Variants in MVB12B observed in about 807,000 individuals in gnomAD.
MVB12B encodes the protein ESCRT-I complex subunit MVB12B.
MVB12B carries 16 observed loss-of-function variants against 41.6 expected under a neutral mutation model. The observed-to-expected ratio is 0.38, with a 90% CI of 0.26 to 0.58. The LOEUF (loss-of-function observed/expected upper bound fraction) is 0.58, where lower values mean the gene tolerates loss of function less well. Ranked by LOEUF, MVB12B falls within the 20% of genes least tolerant of loss-of-function variation. MVB12B has a pLI of 0.62. For missense variants in MVB12B, 274 were observed against 380.2 expected (o/e 0.72, Z 2.32); for synonymous variants, 133 against 139.7 (o/e 0.95, Z 0.34).
At chr9:126,476,746 G>A (rs964985808) in intron 7 of MVB12B, among the ~76,000 whole-genome samples, 1 of 151,432 alleles carries the variant, frequency 6.6e-6, no homozygotes, top group Non-Finnish European at 1.5e-5. Flanking sequence ...GCATGGTGGC[G>A]GGTGCCTGTA....
At chr9:126,425,544 G>A (rs4837082) in intron 7 of MVB12B, among the ~76,000 whole-genome samples, 20,509 of 152,206 alleles carry the variant, frequency 0.13, 1,769 homozygotes, top group East Asian at 0.4. Flanking sequence ...CTATGCTTTC[G>A]AAGTTTACTG....
chr9:126,356,225 CTA>C (rs1829877034), intron 2 of MVB12B, among the ~76,000 whole-genome samples: 1 of 152,118 alleles, frequency 6.6e-6, no homozygotes. Context: ...GCACAAAATA[CTA>C]TGTTTTGATC....
At position 126,481,513 on chromosome 9, in the gene MVB12B, C is replaced by T. The variant is rs558739231; in HGVS notation, c.813+89C>T. 3 of 960,350 alleles carry T rather than the reference C, an allele frequency of 3.1e-6. No homozygotes were observed. In the African/African-American group the frequency reaches 4.8e-5, roughly 15 times the overall value. 59.5% of individuals were successfully genotyped at this position (960,350 alleles called of 1,614,324 possible). On this transcript the variant is annotated intron_variant, in intron 8 of 9. Transcript: ENST00000361171. ...GATTTACACAGCACGCAGGGCTGTT[C>T]TGGCAGTACTCACGCCCCTTCCCCT...
intron 2 of MVB12B, among the ~76,000 whole-genome samples, chr9:126,354,063 A>G (rs1829819617): frequency 6.6e-6 from 1 of 152,190 alleles, no homozygotes; most frequent in Non-Finnish European, 1.5e-5. Flanking sequence ...CATTTTGCGA[A>G]TGTGCAGTTC....
At chr9:126,501,487 A>G (rs1833955436) in intron 9 of MVB12B, among the ~76,000 whole-genome samples, 1 of 152,148 alleles carries the variant, frequency 6.6e-6, no homozygotes, top group East Asian at 1.9e-4. Context: ...CACCGTGCAC[A>G]CGGGGACAGA....
intron 1 of MVB12B, among the ~76,000 whole-genome samples, chr9:126,336,665 C>T (rs527829831): frequency 1.3e-5 from 2 of 152,220 alleles, no homozygotes; most frequent in South Asian, 4.1e-4. Flanking sequence ...GGAAAAAATC[C>T]TTCTAGCTTG....
intron 4 of MVB12B, among the ~76,000 whole-genome samples, chr9:126,390,687 G>T (rs967590259): frequency 2.6e-5 from 4 of 152,158 alleles, no homozygotes; most frequent in African/African-American, 9.7e-5. Flanking sequence ...GAGGCCAGGC[G>T]CGGTGGCTCA....
At chr9:126,390,635 AT>A (rs995943837) in intron 4 of MVB12B, among the ~76,000 whole-genome samples, 2 of 152,204 alleles carry the variant, frequency 1.3e-5, no homozygotes, top group Non-Finnish European at 2.9e-5. Flanking sequence ...AAGGAAAGTT[AT>A]TTTTTACATA....
intron 6 of MVB12B, among the ~76,000 whole-genome samples, chr9:126,414,256 A>T (rs1831740925): frequency 6.6e-6 from 1 of 152,194 alleles, no homozygotes; most frequent in Non-Finnish European, 1.5e-5. Flanking sequence ...GGAAAAAATG[A>T]AATTCCCCTC....
chr9:126,383,422 C>T (rs1830687818), intron 3 of MVB12B, among the ~76,000 whole-genome samples: 1 of 152,148 alleles, frequency 6.6e-6, no homozygotes, highest in Non-Finnish European at 1.5e-5. Flanking sequence ...GTACTTTCTG[C>T]ATTACCTGTA....
Position 126,409,299 on chromosome 9 carries a change from C to CTGTGTGTG in MVB12B, c.663-12515_663-12508dup, listed in dbSNP as rs61211126. 8.5e-3 allele frequency among the ~76,000 whole-genome samples: 1,175 copies of CTGTGTGTG among 138,108 alleles called. 27 individuals are homozygous for CTGTGTGTG. The highest frequency in any genetic ancestry group is 0.023 in the East Asian group (107 of 4,680). 90.6% of individuals were successfully genotyped at this position (138,108 alleles called of 152,430 possible). On this transcript the variant is annotated intron_variant, in intron 6 of 9. Coordinates refer to ENST00000361171, the MANE Select transcript of MVB12B (RefSeq NM_033446.3). ...TTGTCATCACTTTTGGTGAGTAACT[C>CTGTGTGTG]TGTGTGTGTGTGTGTGTGTGTGTGT...
chr9:126,489,896 TCTTGTCCCGGCCCCACCTGTCCGTGC>T (rs1276855470), intron 9 of MVB12B, among the ~76,000 whole-genome samples: 5 of 152,188 alleles, frequency 3.3e-5, no homozygotes, highest in South Asian at 2.1e-4. Flanking sequence ...TGGGCAGTTT[TCTTGTCCCGGCCCCACCTGTCCGTGC>T]CTTGTCCCCT....
At chr9:126,373,580 G>A (rs1192679470) in intron 2 of MVB12B, among the ~76,000 whole-genome samples, 4 of 152,172 alleles carry the variant, frequency 2.6e-5, no homozygotes, top group African/African-American at 4.8e-5. Context: ...TTGAAACACC[G>A]GTGTGTAAAC....
intron 7 of MVB12B, among the ~76,000 whole-genome samples, chr9:126,461,030 G>C (rs1833077692): frequency 6.6e-6 from 1 of 152,188 alleles, no homozygotes; most frequent in African/African-American, 2.4e-5. Flanking sequence ...TGAGGTCTGG[G>C]GACAGGTCCC....
chr9:126,464,821 C>T (rs1343126808), intron 7 of MVB12B, among the ~76,000 whole-genome samples: 5 of 152,214 alleles, frequency 3.3e-5, no homozygotes, highest in South Asian at 4.1e-4. Context: ...ACCAGCTTTG[C>T]GGCCCTGACA....
chr9:126,453,664 A>G (rs886812067), intron 7 of MVB12B, among the ~76,000 whole-genome samples: 1 of 152,210 alleles, frequency 6.6e-6, no homozygotes, highest in African/African-American at 2.4e-5. Flanking sequence ...TAACTCGTAC[A>G]TGGACACAAT....
chr9:126,474,278 A>G (rs964643780), intron 7 of MVB12B, among the ~76,000 whole-genome samples: 10 of 152,218 alleles, frequency 6.6e-5, no homozygotes, highest in African/African-American at 2.4e-4. Context: ...AGAACATCAC[A>G]GTCTCTCTGC....
In MVB12B at chr9:126,340,998, T is replaced by C. The variant is rs1364015197; in HGVS notation, c.204+368T>C. Among the ~76,000 whole-genome samples, 1 of 152,278 alleles carries C rather than the reference T, an allele frequency of 6.6e-6. No individual in the cohort carries two copies. The highest frequency in any genetic ancestry group is 1.5e-5 in the Non-Finnish European group (1 of 68,052). On this transcript the variant is annotated intron_variant, in intron 2 of 9. Transcript: ENST00000361171. This position sits in a 1 kb window ranked among gnomAD's most constrained non-coding sequence, Gnocchi z 4.0. ...AATATTGTAAAGGCATTGTCCTACG[T>C]CTGTGTAGCTCTTTACAGTTTAAAA...
chr9:126,402,915 G>C (rs952956784), intron 6 of MVB12B, among the ~76,000 whole-genome samples: 3 of 152,228 alleles, frequency 2.0e-5, no homozygotes, highest in Admixed American at 6.5e-5. Context: ...CAGCACGGGG[G>C]TGTGAATGAT....
Sources: gnomAD v4.1 joint callset for allele counts (sites outside exome capture counted in the v4.1 genomes callset) on GRCh38, gnomAD v4.1.1 for gene constraint, Gnocchi (gnomAD v3.1) non-coding constraint, MANE v1.5 for transcripts, NCBI Gene and HGNC (gene_info 2026-07-23, HGNC 2026-07-21) for gene names.